TMTC4: variants seen among roughly 807,000 people sequenced by gnomAD.
The protein encoded by TMTC4 is transmembrane O-mannosyltransferase targeting cadherins 4, also known as protein O-mannosyl-transferase TMTC4.
A neutral mutation model predicts 86.0 loss-of-function variants in TMTC4; 65 were observed. That is an observed-to-expected ratio of 0.76 (90% confidence interval 0.62 to 0.93). TMTC4 has a LOEUF of 0.93. Ranked by LOEUF, TMTC4 falls within the 40% of genes least tolerant of loss-of-function variation. TMTC4 has a pLI of 0.00. For synonymous variants in TMTC4, 379 were observed against 382.5 expected (o/e 0.99, Z 0.11); for missense variants, 866 against 948.1 (o/e 0.91, Z 1.14).
intron 4 of TMTC4, among the ~76,000 whole-genome samples, chr13:100,663,846 A>G (rs1431775514): frequency 6.6e-6 from 1 of 152,232 alleles, no homozygotes; most frequent in East Asian, 1.9e-4. Context: ...TTTAAGCAGC[A>G]TATTGCTTTT....
intron 3 of TMTC4, among the ~76,000 whole-genome samples, chr13:100,668,186 C>T (rs1886623333): frequency 6.6e-6 from 1 of 151,936 alleles, no homozygotes; most frequent in South Asian, 2.1e-4. Context: ...GTGATCACAC[C>T]CGTCCATCAC....
intron 1 of TMTC4, chr13:100,670,774 C>T (rs557034006): frequency 5.8e-6 from 1 of 172,672 alleles, no homozygotes; most frequent in African/African-American, 2.4e-5. Context: ...CAAGGTGAAA[C>T]CCCGTGTCTA....
At chr13:100,654,978 A>G (rs1437331214) in intron 6 of TMTC4, among the ~76,000 whole-genome samples, 1 of 152,006 alleles carries the variant, frequency 6.6e-6, no homozygotes, top group Admixed American at 6.6e-5. Flanking sequence ...GCACTTTCAG[A>G]AACTTTAGAG....
At chr13:100,626,222 C>G in intron 12 of TMTC4, 72 bp from the exon 13 acceptor site, 1 of 1,463,678 alleles carries the variant, frequency 6.8e-7, no homozygotes, top group East Asian at 2.3e-5. Flanking sequence ...ATCACATCTT[C>G]TAACTGAAGA....
chr13:100,664,033 G>A (rs777085629), intron 4 of TMTC4, among the ~76,000 whole-genome samples, 188 bp downstream of exon 4: 31 of 152,080 alleles, frequency 2.0e-4, no homozygotes, highest in African/African-American at 3.1e-4. Flanking sequence ...CAATGTGCAC[G>A]TCATCCTTCA....
intron 5 of TMTC4, among the ~76,000 whole-genome samples, chr13:100,657,575 G>A (rs1885265429): frequency 6.6e-6 from 1 of 152,182 alleles, no homozygotes; most frequent in Non-Finnish European, 1.5e-5. Flanking sequence ...TACTGGACTA[G>A]TTTAGGTGGG....
chr13:100,674,839 G>GCCCGCCGCGCACCCGACC (rs1555353253), upstream of TMTC4: 2 of 968,364 alleles, frequency 2.1e-6, no homozygotes, highest in Non-Finnish European at 2.4e-6. Context: ...GGGAGGGGCC[G>GCCCGCCGCGCACCCGACC]CCCGCCGCGC....
chr13:100,673,905 A>C (rs928054648), intron 1 of TMTC4: 2 of 484,734 alleles, frequency 4.1e-6, no homozygotes, highest in Non-Finnish European at 5.4e-6. Flanking sequence ...ACTGTTTCTC[A>C]AGACATTCTC....
At chr13:100,668,230 TG>T in intron 3 of TMTC4, 5 of 188,076 alleles carry the variant, frequency 2.7e-5, no homozygotes, top group South Asian at 1.1e-4. Context: ...TTTTTTTTTT[TG>T]AACAACTGTG....
At chr13:100,625,923 T>C in intron 13 of TMTC4, 31 bp from the exon 14 acceptor site, 1 of 1,606,118 alleles carries the variant, frequency 6.2e-7, no homozygotes, top group Non-Finnish European at 8.5e-7. Context: ...AAGCTGACCA[T>C]TAAATGCTCA....
intron 6 of TMTC4, among the ~76,000 whole-genome samples, chr13:100,654,011 A>C (rs1418537829): frequency 6.6e-6 from 1 of 152,254 alleles, no homozygotes; most frequent in African/African-American, 2.4e-5. Flanking sequence ...GGCTCCATTT[A>C]AATGAACGCT....
Position 100,604,747 on chromosome 13 carries a change from G to T in TMTC4, c.*247C>A. ...TCTCTTTTTCTGTTTAATTAAAAAA[G>T]ACATTTTTGGAATTTTAGAATTACA... is the stretch of plus-strand genomic sequence containing the variant. On this transcript the variant is annotated 3_prime_UTR_variant, in exon 19 of 19. Transcript: ENST00000342624. 1 of 351,028 alleles carries T rather than the reference G, an allele frequency of 2.8e-6. No homozygotes were observed. Among genetic ancestry groups the T allele is most frequent in the Non-Finnish European group, 4.9e-6 (1 of 203,458 alleles). 21.7% of individuals were successfully genotyped at this position (351,028 alleles called of 1,614,324 possible).
At chr13:100,622,407 C>T (rs1879654429) in intron 15 of TMTC4, among the ~76,000 whole-genome samples, 2 of 152,128 alleles carry the variant, frequency 1.3e-5, no homozygotes, top group Non-Finnish European at 2.9e-5. Context: ...GTGTCCCCAC[C>T]CAAATCTCAT....
At chr13:100,607,445 A>G (rs1044544506) in intron 17 of TMTC4, among the ~76,000 whole-genome samples, 9 of 151,636 alleles carry the variant, frequency 5.9e-5, no homozygotes, top group African/African-American at 2.2e-4. Context: ...CCAATCCAAG[A>G]GGAGGAGGTT....
At chr13:100,622,759 TTAGTA>T (rs1879733404) in intron 15 of TMTC4, among the ~76,000 whole-genome samples, 1 of 152,176 alleles carries the variant, frequency 6.6e-6, no homozygotes, top group Non-Finnish European at 1.5e-5. Context: ...CCACTTCACT[TTAGTA>T]TTTCTTTTTT....
chr13:100,674,837 C>T (rs1429224058), upstream of TMTC4: 22 of 970,914 alleles, frequency 2.3e-5, no homozygotes, highest in Non-Finnish European at 2.6e-5. Flanking sequence ...GGGGGAGGGG[C>T]CGCCCGCCGC....
At chr13:100,611,112 AAG>A (rs953164758) in intron 17 of TMTC4, among the ~76,000 whole-genome samples, 3 of 152,244 alleles carry the variant, frequency 2.0e-5, no homozygotes, top group Admixed American at 1.3e-4. Context: ...TAAACAGAAA[AAG>A]AGAAGTGAAT....
intron 17 of TMTC4, among the ~76,000 whole-genome samples, chr13:100,612,038 G>GGGGCAC (rs1877670181): frequency 6.6e-6 from 1 of 152,216 alleles, no homozygotes; most frequent in Non-Finnish European, 1.5e-5. Context: ...GGCTGGGGCA[G>GGGGCAC]GGGCACCTCC....
intron 1 of TMTC4, chr13:100,674,368 C>T: frequency 1.0e-6 from 1 of 971,300 alleles, no homozygotes; most frequent in East Asian, 1.2e-4. Context: ...GATGGCCGCT[C>T]CGGGGACGCG....
Sources: allele counts gnomAD v4.1 joint callset (sites outside exome capture counted in the v4.1 genomes callset), GRCh38; gene constraint gnomAD v4.1.1; transcripts MANE v1.5; gene names NCBI Gene and HGNC (gene_info 2026-07-23, HGNC 2026-07-21).